The following MNAT1 variants were observed in gnomAD, a reference collection of about 807,000 sequenced individuals.
MNAT1 encodes MNAT1 component of CDK activating kinase.
A neutral mutation model predicts 42.0 loss-of-function variants in MNAT1; 43 were observed. That is an observed-to-expected ratio of 1.02 (90% CI 0.80 to 1.32). MNAT1 has a LOEUF of 1.32. Ranked by LOEUF, MNAT1 falls within the 40% of genes most tolerant of loss-of-function variation. The pLI, the probability that MNAT1 is intolerant of heterozygous loss-of-function variation, is 0.00. For synonymous variants in MNAT1, 118 were observed against 120.0 expected (o/e 0.98, Z 0.11); for missense variants, 306 against 350.4 (o/e 0.87, Z 1.01).
At chr14:60,891,935 TCTACAAA>T (rs2034854631) in intron 7 of MNAT1, among the ~76,000 whole-genome samples, 1 of 152,228 alleles carries the variant, frequency 6.6e-6, no homozygotes, top group Non-Finnish European at 1.5e-5. Context: ...TTGTACGATT[TCTACAAA>T]TTTGTGAATT....
At chr14:60,903,054 T>A (rs1379699568) in intron 7 of MNAT1, among the ~76,000 whole-genome samples, 1 of 152,026 alleles carries the variant, frequency 6.6e-6, no homozygotes, top group Non-Finnish European at 1.5e-5. Context: ...ATAATTCTAA[T>A]AACTGTAGTT....
At chr14:60,931,809 G>C (rs2035891060) in intron 7 of MNAT1, among the ~76,000 whole-genome samples, 2 of 151,750 alleles carry the variant, frequency 1.3e-5, no homozygotes, top group South Asian at 4.2e-4. Context: ...GAAAAGAGCT[G>C]CTTAATTGTC....
chr14:60,855,174 G>C (rs900903446), intron 6 of MNAT1, among the ~76,000 whole-genome samples: 1 of 152,136 alleles, frequency 6.6e-6, no homozygotes, highest in Non-Finnish European at 1.5e-5. Context: ...CACCAAGCTC[G>C]ACTGACCTAG....
chr14:60,778,003 G>C (rs1354671737), intron 1 of MNAT1, among the ~76,000 whole-genome samples: 3 of 152,204 alleles, frequency 2.0e-5, no homozygotes, highest in Admixed American at 6.5e-5. Context: ...AGGAATGCCA[G>C]GCAGACTTTG....
chr14:60,795,795 A>G (rs772315703), intron 1 of MNAT1, among the ~76,000 whole-genome samples: 75 of 152,162 alleles, frequency 4.9e-4, no homozygotes, highest in Non-Finnish European at 9.8e-4. Flanking sequence ...AGAAAAAAAC[A>G]TCTGTTTTAG....
intron 6 of MNAT1, among the ~76,000 whole-genome samples, chr14:60,872,394 C>G (rs1044987926): frequency 6.6e-6 from 1 of 152,174 alleles, no homozygotes; most frequent in Non-Finnish European, 1.5e-5. Flanking sequence ...CTACATTACT[C>G]TTCCACCTTT....
chr14:60,747,920 G>A (rs963404664), intron 1 of MNAT1, among the ~76,000 whole-genome samples: 3 of 152,118 alleles, frequency 2.0e-5, no homozygotes, highest in Non-Finnish European at 4.4e-5. Flanking sequence ...TTTAAGGCCA[G>A]GCATGGTGGC....
chr14:60,760,111 C>T (rs570581011), intron 1 of MNAT1, among the ~76,000 whole-genome samples: 2 of 151,790 alleles, frequency 1.3e-5, no homozygotes, highest in East Asian at 3.9e-4. Flanking sequence ...TCCAAGTGGA[C>T]AATATAAACT....
chr14:60,936,171 T>G (rs1347604996), intron 7 of MNAT1, among the ~76,000 whole-genome samples: 1 of 152,172 alleles, frequency 6.6e-6, no homozygotes, highest in Non-Finnish European at 1.5e-5. Context: ...CGAAAGCATC[T>G]GATGTAAACA....
intron 5 of MNAT1, among the ~76,000 whole-genome samples, chr14:60,815,928 A>C (rs2032700845): frequency 6.6e-6 from 1 of 152,094 alleles, no homozygotes; most frequent in Admixed American, 6.5e-5. Flanking sequence ...AAATACTTTA[A>C]ATTTTTATGA....
At chr14:60,741,658 G>GTTTTTTTTTTTTTTT (rs3049888) in intron 1 of MNAT1, among the ~76,000 whole-genome samples, 64 of 91,992 alleles carry the variant, frequency 7.0e-4, no homozygotes, top group Non-Finnish European at 9.4e-4. Context: ...TGCGCCTGGG[G>GTTTTTTTTTTTTTTT]TTTTTTTTTT....
At position 60,856,493 on chromosome 14, in the gene MNAT1, T is replaced by C. The variant is rs539647657; in HGVS notation, c.688-23221T>C. Among the ~76,000 whole-genome samples the C allele has an allele frequency of 2.6e-5, 4 of 152,334 alleles. No homozygotes were observed. In the East Asian group the frequency reaches 5.8e-4, roughly 22 times the overall value. The stretch of plus-strand genomic sequence containing the variant: ...GCCATTTCTATAACATAAAAGTTGC[T>C]ACCCGGAACAACATATTTTTCAGTG... On this transcript the variant is annotated intron_variant, in intron 6 of 7. Transcript: ENST00000261245.
At chr14:60,797,097 T>G (rs2032043299) in intron 2 of MNAT1, among the ~76,000 whole-genome samples, 2 of 152,170 alleles carry the variant, frequency 1.3e-5, no homozygotes, top group Admixed American at 1.3e-4. Flanking sequence ...TCCTTTTATC[T>G]GTTATTATGA....
At chr14:60,745,689 C>T (rs941750062) in intron 1 of MNAT1, among the ~76,000 whole-genome samples, 1 of 152,182 alleles carries the variant, frequency 6.6e-6, no homozygotes, top group African/African-American at 2.4e-5. Context: ...CTTGGTCTCC[C>T]AAAGTGCTGG....
In MNAT1 at chr14:60,938,484, T is replaced by G. The variant is rs540356540; in HGVS notation, c.810-29745T>G. Among the ~76,000 whole-genome samples, 111 of 152,292 alleles carry G rather than the reference T, an allele frequency of 7.3e-4. No individual in the cohort carries two copies. The South Asian group carries it at 0.014, about 20-fold the overall frequency. On this transcript the variant is annotated intron_variant, in intron 7 of 7. Coordinates refer to ENST00000261245, the MANE Select transcript of MNAT1 (RefSeq NM_002431.4). ...GCCTTTTCTGCCTCTATTGAGATAA[T>G]CATGTGTTTTTTGTCGTTGGTTCTG... is the stretch of plus-strand genomic sequence containing the variant.
intron 6 of MNAT1, among the ~76,000 whole-genome samples, chr14:60,867,719 C>T (rs922552946): frequency 6.6e-6 from 1 of 152,064 alleles, no homozygotes. Context: ...AGTCTCCTCA[C>T]TTATACACTC....
intron 7 of MNAT1, among the ~76,000 whole-genome samples, chr14:60,951,350 A>G (rs1267848400): frequency 7.3e-6 from 1 of 136,490 alleles, no homozygotes; most frequent in Non-Finnish European, 1.5e-5. Context: ...TGCTCCTTAC[A>G]TCCTGCTTTT....
At chr14:60,894,296 A>G (rs1362584203) in intron 7 of MNAT1, among the ~76,000 whole-genome samples, 1 of 150,940 alleles carries the variant, frequency 6.6e-6, no homozygotes, top group Non-Finnish European at 1.5e-5. Flanking sequence ...TTTTAAAATA[A>G]TTTATTTCCT....
At chr14:60,948,348 T>C (rs1373829988) in intron 7 of MNAT1, among the ~76,000 whole-genome samples, 1 of 152,108 alleles carries the variant, frequency 6.6e-6, no homozygotes, top group East Asian at 1.9e-4. Flanking sequence ...GGACAATCAC[T>C]TGAGCCCAAG....
Sources: gnomAD v4.1 joint callset for allele counts (sites outside exome capture counted in the v4.1 genomes callset) on GRCh38, gnomAD v4.1.1 for gene constraint, MANE v1.5 for transcripts, NCBI Gene and HGNC (gene_info 2026-07-23, HGNC 2026-07-21) for gene names.